Variants in HTR1F observed in about 807,000 individuals in gnomAD.
HTR1F encodes the protein 5-hydroxytryptamine (serotonin) receptor 1F, G protein-coupled.
In HTR1F, 17 loss-of-function variants were observed where a neutral mutation model predicts 24.0. That is an observed-to-expected ratio of 0.71 (90% CI 0.48 to 1.06). HTR1F has a LOEUF of 1.06. HTR1F is among the 50% of genes least tolerant of loss of function. The pLI, the probability that HTR1F is intolerant of heterozygous loss-of-function variation, is 0.00. For synonymous variants in HTR1F, 186 were observed against 156.8 expected, an observed-to-expected ratio of 1.19 and a Z score of -1.39; for missense variants, 391 against 427.8, an observed-to-expected ratio of 0.91 and a Z score of 0.76.
intron 1 of HTR1F, among the ~76,000 whole-genome samples, chr3:87,807,321 C>G (rs1704090079): frequency 6.6e-6 from 1 of 151,688 alleles, no homozygotes; most frequent in Non-Finnish European, 1.5e-5. Context: ...TGTAGTTTTT[C>G]TTTTAGAAAT....
chr3:87,871,598 G>A (rs1233940680), intron 2 of HTR1F, among the ~76,000 whole-genome samples: 2 of 151,960 alleles, frequency 1.3e-5, no homozygotes, highest in African/African-American at 4.8e-5. Flanking sequence ...GAGGCCCACA[G>A]CTAGACACAT....
rs1486956961 is a variant in HTR1F, at chr3:87,991,332, G to T, written c.583G>T (p.Ala195Ser). The T allele has an allele frequency of 1.2e-6, 2 of 1,613,778 alleles. No individual in the cohort carries two copies. Among genetic ancestry groups the T allele is most frequent in the African/African-American group, 2.7e-5 (2 of 74,996 alleles). Residue 195 changes from alanine (A) to serine (S), a missense_variant, in exon 3 of 3, where the codon GCA becomes TCA. Coordinates refer to ENST00000319595, the MANE Select transcript of HTR1F (RefSeq NM_001322209.2). ...STFGAFYIPL[A>S]LILILYYKIY... Reference sequence around the variant, plus strand: ...ATTTGGAGCTTTCTACATCCCACTGGCATTGATTTTGATCCTTTACTACAA... The same window carrying T: ...ATTTGGAGCTTTCTACATCCCACTGTCATTGATTTTGATCCTTTACTACAA...
chr3:87,905,219 AG>A (rs2107335627), intron 2 of HTR1F, among the ~76,000 whole-genome samples: 1 of 152,056 alleles, frequency 6.6e-6, no homozygotes, highest in African/African-American at 2.4e-5. Context: ...CTGAAGCAGG[AG>A]GATTTCTTGA....
chr3:87,925,186 C>T (rs1474876192), intron 2 of HTR1F, among the ~76,000 whole-genome samples: 1 of 151,974 alleles, frequency 6.6e-6, no homozygotes, highest in Non-Finnish European at 1.5e-5. Context: ...AGGAATAGGA[C>T]TGCTGAGCAA....
At chr3:87,829,181 G>C (rs994708966) in intron 2 of HTR1F, among the ~76,000 whole-genome samples, 46 of 152,244 alleles carry the variant, frequency 3.0e-4, no homozygotes, top group African/African-American at 1.1e-3. Flanking sequence ...TTTTCAAAGA[G>C]AAAAGAACCA....
At chr3:87,990,458 T>A (rs1212057056) in intron 2 of HTR1F, among the ~76,000 whole-genome samples, 1 of 152,166 alleles carries the variant, frequency 6.6e-6, no homozygotes, top group Admixed American at 6.5e-5. Context: ...CAAGCTAGAG[T>A]ATTCATTAAA....
At chr3:87,885,700 T>C (rs1234796034) in intron 2 of HTR1F, among the ~76,000 whole-genome samples, 1 of 152,154 alleles carries the variant, frequency 6.6e-6, no homozygotes, top group Non-Finnish European at 1.5e-5. Context: ...CATCAGAGAA[T>C]ACTATAAACA....
At chr3:87,882,685 T>A (rs1248284654) in intron 2 of HTR1F, among the ~76,000 whole-genome samples, 1 of 126,246 alleles carries the variant, frequency 7.9e-6, no homozygotes, top group African/African-American at 3.1e-5. Flanking sequence ...AAGGGGAACA[T>A]CACACTCTGG....
At chr3:87,976,388 G>A (rs1189883256) in intron 2 of HTR1F, among the ~76,000 whole-genome samples, 1 of 151,744 alleles carries the variant, frequency 6.6e-6, no homozygotes, top group Admixed American at 6.6e-5. Context: ...AATTATTATG[G>A]ATCAAAAAAA....
At chr3:87,914,717 C>G (rs1481389150) in intron 2 of HTR1F, among the ~76,000 whole-genome samples, 1 of 152,000 alleles carries the variant, frequency 6.6e-6, no homozygotes, top group Admixed American at 6.6e-5. Context: ...TAAGTTTAAA[C>G]ATGCCTAGCC....
intron 2 of HTR1F, among the ~76,000 whole-genome samples, chr3:87,845,639 A>G (rs1012299813): frequency 2.6e-5 from 4 of 151,348 alleles, no homozygotes; most frequent in Non-Finnish European, 4.4e-5. Context: ...AATCAATATC[A>G]TGAAAATGGC....
At chr3:87,947,334 A>G (rs963557398) in intron 2 of HTR1F, among the ~76,000 whole-genome samples, 16 of 152,128 alleles carry the variant, frequency 1.1e-4, no homozygotes, top group African/African-American at 3.6e-4. Flanking sequence ...AGATAAGATG[A>G]CATGATTATA....
intron 2 of HTR1F, among the ~76,000 whole-genome samples, chr3:87,868,792 A>G (rs565826837): frequency 5.3e-5 from 8 of 152,018 alleles, no homozygotes; most frequent in Non-Finnish European, 1.2e-4. Context: ...TTAAGAATCT[A>G]GCAAGGGCAT....
chr3:87,819,677 C>A lies in HTR1F; in HGVS notation c.-159-2331C>A, dbSNP rs1432229987. On this transcript the variant is annotated intron_variant, in intron 1 of 2. Coordinates refer to ENST00000319595, the MANE Select transcript of HTR1F (RefSeq NM_001322209.2). ...AATATGTGAATTATTTATTAATGAA[C>A]AAACTTTATAACTGACCAGTATCTC... Among the ~76,000 whole-genome samples, 3 of 151,888 alleles carry A rather than the reference C, an allele frequency of 2.0e-5. 1 individual carries two copies. The highest frequency in any genetic ancestry group is 7.3e-5 in the African/African-American group (3 of 41,376).
In HTR1F at chr3:87,831,467, A is replaced by G. The variant is rs1403578822; in HGVS notation, c.-43+9343A>G. On this transcript the variant is annotated intron_variant, in intron 2 of 2. Coordinates refer to ENST00000319595, the MANE Select transcript of HTR1F (RefSeq NM_001322209.2). The stretch of plus-strand genomic sequence containing the variant: ...AAGCTCAGCCTCCCGGCTTCACGCC[A>G]TTCTCCTACCTCAGCCTCCTGAGTA... 4.6e-5 allele frequency among the ~76,000 whole-genome samples: 7 copies of G among 151,652 alleles called. No individual in the cohort carries two copies. The South Asian group carries it at 1.0e-3, about 22-fold the overall frequency.
intron 2 of HTR1F, among the ~76,000 whole-genome samples, chr3:87,945,226 G>A (rs1313613385): frequency 6.6e-6 from 1 of 151,892 alleles, no homozygotes; most frequent in Non-Finnish European, 1.5e-5. Context: ...TGCCCATGTC[G>A]AGAGCTGTAC....
intron 2 of HTR1F, among the ~76,000 whole-genome samples, chr3:87,862,527 C>G (rs1705339097): frequency 6.6e-6 from 1 of 152,130 alleles, no homozygotes; most frequent in South Asian, 2.1e-4. Context: ...CTTTTTAATT[C>G]AAACTGGCAG....
At chr3:87,855,393 A>C (rs1022667454) in intron 2 of HTR1F, among the ~76,000 whole-genome samples, 1 of 152,098 alleles carries the variant, frequency 6.6e-6, no homozygotes, top group African/African-American at 2.4e-5. Flanking sequence ...AGCTTTGTTC[A>C]GATCTTTATC....
chr3:87,849,091 G>C (rs931903284), intron 2 of HTR1F, among the ~76,000 whole-genome samples: 36 of 151,314 alleles, frequency 2.4e-4, no homozygotes, highest in African/African-American at 8.8e-4. Flanking sequence ...TTTCTTCACA[G>C]AATTGGAAAA....
Sources: allele counts gnomAD v4.1 joint callset (sites outside exome capture counted in the v4.1 genomes callset), GRCh38; gene constraint gnomAD v4.1.1; transcripts MANE v1.5; gene names NCBI Gene and HGNC (gene_info 2026-07-23, HGNC 2026-07-21).